NOS1AP: variants seen among roughly 807,000 people sequenced by gnomAD.
The protein encoded by NOS1AP is nitric oxide synthase 1 adaptor protein, also known as carboxyl-terminal PDZ ligand of neuronal nitric oxide synthase protein.
Under a neutral mutation model 56.2 loss-of-function variants are expected in NOS1AP, and 21 were observed. That is an observed-to-expected ratio of 0.37 (90% CI 0.26 to 0.54). NOS1AP has a LOEUF of 0.54. Ranked by LOEUF, NOS1AP falls within the 20% of genes least tolerant of loss-of-function variation. The pLI, the probability that NOS1AP is intolerant of heterozygous loss-of-function variation, is 0.84. For missense variants in NOS1AP, 522 were observed against 657.8 expected, an observed-to-expected ratio of 0.79 and a Z score of 2.26; for synonymous variants, 270 against 274.6, an observed-to-expected ratio of 0.98 and a Z score of 0.17.
At position 162,129,354 on chromosome 1, in the gene NOS1AP, T is replaced by C. The variant is rs181465822; in HGVS notation, c.106-25051T>C. On this transcript the variant is annotated intron_variant, in intron 1 of 9. Coordinates refer to ENST00000361897, the MANE Select transcript of NOS1AP (RefSeq NM_014697.3). Reference sequence around the variant, plus strand: ...GTCTCTCTGCCATCCAGCCTCATTTTTTAAACCCTGATTGTTGCCCACTAG... The same window carrying C: ...GTCTCTCTGCCATCCAGCCTCATTTCTTAAACCCTGATTGTTGCCCACTAG... Among the ~76,000 whole-genome samples the C allele has an allele frequency of 2.6e-5, 4 of 152,322 alleles. No homozygotes were observed. The East Asian group carries it at 7.7e-4, about 29-fold the overall frequency.
intron 2 of NOS1AP, among the ~76,000 whole-genome samples, chr1:162,214,455 C>T (rs539232962): frequency 6.6e-6 from 1 of 152,250 alleles, no homozygotes; most frequent in East Asian, 1.9e-4. Context: ...AAAGGCTGTA[C>T]ACCCAGGAGG....
At chr1:162,117,461 A>G (rs140271336) in intron 1 of NOS1AP, among the ~76,000 whole-genome samples, 67 of 152,256 alleles carry the variant, frequency 4.4e-4, no homozygotes, top group African/African-American at 1.5e-3. Context: ...TACCCTAGCT[A>G]TCATCCTCTT....
intron 7 of NOS1AP, 107 bp downstream of exon 7, chr1:162,355,460 C>A: frequency 1.4e-6 from 2 of 1,397,608 alleles, no homozygotes; most frequent in Non-Finnish European, 1.0e-6. Context: ...CACTCCATGG[C>A]ACAGTGGCGG....
chr1:162,352,270 G>A (rs575095615), intron 6 of NOS1AP, among the ~76,000 whole-genome samples: 23 of 152,164 alleles, frequency 1.5e-4, no homozygotes, highest in African/African-American at 5.1e-4. Flanking sequence ...TGTTGGCCAG[G>A]CTTGTCCCAA....
chr1:162,107,786 G>C (rs1030023126), intron 1 of NOS1AP, among the ~76,000 whole-genome samples: 1 of 152,168 alleles, frequency 6.6e-6, no homozygotes, highest in Admixed American at 6.5e-5. Context: ...GGATTTGATT[G>C]TATATCCCTA....
chr1:162,200,732 A>G (rs1275037464), intron 2 of NOS1AP, among the ~76,000 whole-genome samples: 1 of 152,086 alleles, frequency 6.6e-6, no homozygotes, highest in African/African-American at 2.4e-5. Flanking sequence ...TGCTGTGGTG[A>G]ATTTCATCTT....
intron 2 of NOS1AP, among the ~76,000 whole-genome samples, chr1:162,260,352 C>T (rs1215624233): frequency 6.6e-6 from 1 of 152,090 alleles, no homozygotes; most frequent in East Asian, 1.9e-4. Flanking sequence ...CCTATGAAAC[C>T]AAGTCCTCAG....
chr1:162,203,339 G>A (rs777053881), intron 2 of NOS1AP, among the ~76,000 whole-genome samples: 103 of 152,286 alleles, frequency 6.8e-4, no homozygotes, highest in Non-Finnish European at 1.0e-3. Context: ...GATGTGATGT[G>A]GATTTTCATC....
At chr1:162,174,898 G>A (rs1175589188) in intron 2 of NOS1AP, among the ~76,000 whole-genome samples, 3 of 152,024 alleles carry the variant, frequency 2.0e-5, no homozygotes, top group Non-Finnish European at 4.4e-5. Context: ...TGACAATTTT[G>A]GTGATCTTCA....
chr1:162,152,050 C>G (rs1199939351), intron 1 of NOS1AP, among the ~76,000 whole-genome samples: 1 of 152,186 alleles, frequency 6.6e-6, no homozygotes, highest in Non-Finnish European at 1.5e-5. Context: ...TTCTCTCCAC[C>G]TGTCCTCCCT....
rs1396932250 is a variant in NOS1AP, at chr1:162,121,835, A to G, written c.106-32570A>G. Among the ~76,000 whole-genome samples, 5 of 152,184 alleles carry G rather than the reference A, an allele frequency of 3.3e-5. No homozygotes were observed. In the East Asian group the frequency reaches 9.6e-4, roughly 29 times the overall value. On this transcript the variant is annotated intron_variant, in intron 1 of 9. Coordinates refer to ENST00000361897, the MANE Select transcript of NOS1AP (RefSeq NM_014697.3). Reference sequence around the variant, plus strand: ...CTCACCTCTTTGGGGATATGGGATAATTGTTCAGATCATGTTCCCGCACAG... The same window carrying G: ...CTCACCTCTTTGGGGATATGGGATAGTTGTTCAGATCATGTTCCCGCACAG...
intron 2 of NOS1AP, among the ~76,000 whole-genome samples, chr1:162,239,737 G>C (rs774181432): frequency 6.6e-6 from 1 of 152,152 alleles, no homozygotes; most frequent in African/African-American, 2.4e-5. Flanking sequence ...CCACTGTGAA[G>C]GACAAGAGGA....
chr1:162,120,426 G>A (rs1648160442), intron 1 of NOS1AP, among the ~76,000 whole-genome samples: 1 of 152,192 alleles, frequency 6.6e-6, no homozygotes, highest in South Asian at 2.1e-4. Context: ...GAAATGAGGA[G>A]AGAATTTGTA....
chr1:162,099,353 A>G (rs957819431), intron 1 of NOS1AP, among the ~76,000 whole-genome samples: 64 of 151,794 alleles, frequency 4.2e-4, no homozygotes, highest in Admixed American at 9.2e-4. Flanking sequence ...ACGCCAGTCT[A>G]ATTTTTTCTT....
intron 2 of NOS1AP, among the ~76,000 whole-genome samples, chr1:162,273,854 C>T (rs143686715): frequency 6.6e-6 from 1 of 152,204 alleles, no homozygotes; most frequent in African/African-American, 2.4e-5. Flanking sequence ...AACCAATTCC[C>T]CTCTAACTTT....
chr1:162,103,419 G>A (rs996972587), intron 1 of NOS1AP, among the ~76,000 whole-genome samples: 1 of 152,078 alleles, frequency 6.6e-6, no homozygotes, highest in African/African-American at 2.4e-5. Flanking sequence ...TTGTTTTTAG[G>A]TGCAGAGTTC....
chr1:162,299,858 A>T (rs972365821), intron 3 of NOS1AP, among the ~76,000 whole-genome samples: 1 of 152,126 alleles, frequency 6.6e-6, no homozygotes, highest in African/African-American at 2.4e-5. Flanking sequence ...AAGAGCCTGG[A>T]CATGATCTCC....
intron 4 of NOS1AP, among the ~76,000 whole-genome samples, chr1:162,328,162 A>T (rs1310791123): frequency 4.6e-5 from 7 of 152,196 alleles, no homozygotes; most frequent in African/African-American, 1.7e-4. Flanking sequence ...GCCAACTGAG[A>T]AACTGTTGAA....
intron 1 of NOS1AP, among the ~76,000 whole-genome samples, chr1:162,134,166 G>T (rs540118555): frequency 1.3e-5 from 2 of 152,138 alleles, no homozygotes; most frequent in Non-Finnish European, 2.9e-5. Context: ...GTGAGCTATA[G>T]TAAGCCCTGG....
Sources: allele counts gnomAD v4.1 joint callset (sites outside exome capture counted in the v4.1 genomes callset), GRCh38; gene constraint gnomAD v4.1.1; transcripts MANE v1.5; gene names NCBI Gene and HGNC (gene_info 2026-07-23, HGNC 2026-07-21).